The following BOD1L1 variants were observed in gnomAD, a reference collection of about 807,000 sequenced individuals.
The protein encoded by BOD1L1 is biorientation of chromosomes in cell division 1 like 1.
A neutral mutation model predicts 240.7 loss-of-function variants in BOD1L1; 86 were observed. That is an observed-to-expected ratio of 0.36 (90% confidence interval 0.30 to 0.43). BOD1L1 has a LOEUF of 0.43. Ranked by LOEUF, BOD1L1 falls within the 20% of genes least tolerant of loss-of-function variation. The pLI, the probability that BOD1L1 is intolerant of heterozygous loss-of-function variation, is 1.00. For missense variants in BOD1L1, 3,554 were observed against 3,643.5 expected, an observed-to-expected ratio of 0.98 and a Z score of 0.63; for synonymous variants, 1,268 against 1,272.3, an observed-to-expected ratio of 1.00 and a Z score of 0.07.
rs1403849969 is a variant in BOD1L1, at chr4:13,573,438, G to GTCTATCTATCTA, written c.9039-3311_9039-3310insTAGATAGATAGA. Among the ~76,000 whole-genome samples the GTCTATCTATCTA allele has an allele frequency of 2.6e-3, 123 of 46,444 alleles. No homozygotes were observed. The South Asian group carries it at 0.035, about 13-fold the overall frequency. 30.5% of individuals were successfully genotyped at this position (46,444 alleles called of 152,430 possible). On this transcript the variant is annotated intron_variant, in intron 25 of 25. Coordinates refer to ENST00000040738, the MANE Select transcript of BOD1L1 (RefSeq NM_148894.3). ...TATCTATCTGTCTGTCTGTCTGTCTGTCTGTCTATCTATCTATCTATCTAT... is the reference window on the plus strand; with the variant it reads ...TATCTATCTGTCTGTCTGTCTGTCTGTCTATCTATCTATCTGTCTATCTATCTATCTATCTAT...
intron 2 of BOD1L1, 54 bp downstream of exon 2, chr4:13,619,889 C>A (rs1716912237): frequency 5.7e-6 from 9 of 1,575,898 alleles, no homozygotes; most frequent in Non-Finnish European, 7.8e-6. Flanking sequence ...CGCTTTCAGG[C>A]AAAGTAGGTT....
In BOD1L1 at chr4:13,609,282, T is replaced by G; in HGVS notation, c.1603+13A>C. 1 of 1,430,984 alleles carries G rather than the reference T, an allele frequency of 7.0e-7. No homozygotes were observed. Among genetic ancestry groups the G allele is most frequent in the Non-Finnish European group, 9.3e-7 (1 of 1,080,972 alleles). The allele number at this position is 1,430,984 out of a possible 1,614,324, so 88.6% of individuals were successfully genotyped here. ...ATGAGATAGTTTAAAATATTAAAAGTTGACATCTATACCTTGACCCTTGGT... is the reference window on the plus strand; with the variant it reads ...ATGAGATAGTTTAAAATATTAAAAGGTGACATCTATACCTTGACCCTTGGT... On this transcript the variant is annotated intron_variant, in intron 7 of 25. Coordinates refer to ENST00000040738, the MANE Select transcript of BOD1L1 (RefSeq NM_148894.3).
At position 13,603,421 on chromosome 4, in the gene BOD1L1, G is replaced by A; in HGVS notation, c.3479C>T (p.Ala1160Val). ...DSENMKQKTS[A>V]TVQKDELRTC... The stretch of plus-strand genomic sequence containing the variant: ...TCTCAATTCATCCTTTTGAACAGTG[G>A]CAGAAGTTTTTTGTTTCATATTTTC... The change falls in exon 10 of 26, where the codon GCC becomes GTC. Residue 1160 changes from alanine to valine, a missense_variant. Physicochemically the swap from Ala to Val is moderately conservative, Grantham distance 64 (BLOSUM62 0). Coordinates refer to ENST00000040738, the MANE Select transcript of BOD1L1 (RefSeq NM_148894.3). 1 of 1,613,530 alleles carries A rather than the reference G, an allele frequency of 6.2e-7. No individual in the cohort carries two copies. Among genetic ancestry groups the A allele is most frequent in the Non-Finnish European group, 8.5e-7 (1 of 1,179,796 alleles).
intron 1 of BOD1L1, among the ~76,000 whole-genome samples, chr4:13,622,046 G>A (rs1717080632): frequency 1.3e-5 from 2 of 152,012 alleles, no homozygotes; most frequent in South Asian, 4.2e-4. Context: ...TGTATTTTTA[G>A]TGGAGACAAG....
At position 13,569,258 on chromosome 4, in the gene BOD1L1, T is replaced by C. The variant is rs1414081346; in HGVS notation, c.*753A>G. The C allele has an allele frequency of 6.6e-6, 1 of 152,184 alleles. No homozygotes were observed. Among genetic ancestry groups the C allele is most frequent in the Non-Finnish European group, 1.5e-5 (1 of 68,030 alleles). The allele number at this position is 152,184 out of a possible 1,614,324, so 9.4% of individuals were successfully genotyped here. On this transcript the variant is annotated 3_prime_UTR_variant, in exon 26 of 26. Coordinates refer to ENST00000040738, the MANE Select transcript of BOD1L1 (RefSeq NM_148894.3). Reference sequence around the variant, plus strand: ...CTGCTGCAGGTGACTGACGCAACTTTACCTGAACCAGAACCTGTTTTGTGT... The same window carrying C: ...CTGCTGCAGGTGACTGACGCAACTTCACCTGAACCAGAACCTGTTTTGTGT...
chr4:13,576,991 T>G lies in BOD1L1; in HGVS notation c.8885A>C (p.Glu2962Ala). 3.1e-6 allele frequency: 5 copies of G among 1,613,522 alleles called. No individual in the cohort carries two copies. The highest frequency in any genetic ancestry group is 4.2e-6 in the Non-Finnish European group (5 of 1,179,706). Residue 2962 changes from glutamate (E) to alanine (A), a missense_variant and splice_region_variant, in exon 25 of 26, where the codon GAA becomes GCA. Physicochemically the swap from Glu to Ala is moderately radical, Grantham distance 107 (BLOSUM62 -1). Coordinates refer to ENST00000040738, the MANE Select transcript of BOD1L1 (RefSeq NM_148894.3). Reference protein sequence around the residue: ...KRSLTVSDDAESSEPERKRQK... With the variant: ...KRSLTVSDDAASSEPERKRQK... ...GCGTTTTCTTTCTGGCTCTGAGGAT[T>G]CTGTTCAAATAGAAGGGTAACACCT...
intron 17 of BOD1L1, among the ~76,000 whole-genome samples, chr4:13,585,445 G>C (rs1201659352): frequency 6.6e-6 from 1 of 151,932 alleles, no homozygotes; most frequent in Non-Finnish European, 1.5e-5. Context: ...AGAGTACTGA[G>C]TCTCAGAAAT....
At chr4:13,621,625 T>A (rs1455927649) in intron 1 of BOD1L1, among the ~76,000 whole-genome samples, 4 of 152,174 alleles carry the variant, frequency 2.6e-5, no homozygotes, top group Non-Finnish European at 5.9e-5. Context: ...TCCTCCTCTA[T>A]CTCTCTTACA....
At chr4:13,620,925 C>T (rs550714833) in intron 1 of BOD1L1, among the ~76,000 whole-genome samples, 20 of 152,254 alleles carry the variant, frequency 1.3e-4, no homozygotes, top group Admixed American at 2.6e-4. Context: ...CCCCAAGGGA[C>T]GCTTGGCAAT....
chr4:13,594,211 T>C (rs1714434494), intron 12 of BOD1L1, among the ~76,000 whole-genome samples: 1 of 151,772 alleles, frequency 6.6e-6, no homozygotes, highest in South Asian at 2.1e-4. Flanking sequence ...TATAAGTATT[T>C]ACAACAAAAA....
At chr4:13,582,528 A>T (rs13134162) in intron 18 of BOD1L1, 124 bp downstream of exon 18, 2 of 762,244 alleles carry the variant, frequency 2.6e-6, no homozygotes, top group Non-Finnish European at 4.3e-6. Flanking sequence ...AGCCCTATTA[A>T]TCTTAAGCAT....
At position 13,611,108 on chromosome 4, in the gene BOD1L1, A is replaced by G. The variant is rs764876371; in HGVS notation, c.1325-8T>C. The G allele has an allele frequency of 1.5e-5, 23 of 1,579,530 alleles. No individual in the cohort carries two copies. Among genetic ancestry groups the G allele is most frequent in the East Asian group, 2.2e-5 (1 of 44,658 alleles). On this transcript the variant is annotated splice_region_variant and splice_polypyrimidine_tract_variant and intron_variant, in intron 5 of 25. Coordinates refer to ENST00000040738, the MANE Select transcript of BOD1L1 (RefSeq NM_148894.3). ...GTTTGTTCTTCTCTTCATCTGTAAG[A>G]AAGTTAATAGAAAGAGGAGTATGTC...
At chr4:13,611,497 T>G (rs1283647501) in intron 5 of BOD1L1, among the ~76,000 whole-genome samples, 1 of 152,206 alleles carries the variant, frequency 6.6e-6, no homozygotes, top group African/African-American at 2.4e-5. Context: ...GACACATGAC[T>G]GGACTGGCTG....
intron 19 of BOD1L1, among the ~76,000 whole-genome samples, chr4:13,582,023 T>C (rs1481763446): frequency 6.6e-6 from 1 of 152,064 alleles, no homozygotes; most frequent in Non-Finnish European, 1.5e-5. Context: ...GTGGGTCTCA[T>C]ACAAATGTTT....
rs143226671 is a variant in BOD1L1, at chr4:13,599,451, G to A, written c.7449C>T (p.Gly2483=). ...DKSPETGTAG[G]SSTASYSAGR... ...CTGCTGAATAACTTGCTGTGCTACT[G>A]CCCCCTGCTGTCCCTGTCTCTGGGC... The change falls in exon 10 of 26, where the codon GGC becomes GGT. Residue 2483 remains glycine (G), a synonymous_variant. Coordinates refer to ENST00000040738, the MANE Select transcript of BOD1L1 (RefSeq NM_148894.3). 3.1e-4 allele frequency: 504 copies of A among 1,613,952 alleles called. No homozygotes were observed. The highest frequency in any genetic ancestry group is 4.1e-4 in the Non-Finnish European group (488 of 1,179,880).
chr4:13,627,243 G>T, intron 1 of BOD1L1, 102 bp downstream of exon 1: 2 of 529,756 alleles, frequency 3.8e-6, no homozygotes. Flanking sequence ...TGCACAGTCC[G>T]TGGCACACAG....
Position 13,615,519 on chromosome 4 carries a change from T to G in BOD1L1, c.369-17A>C. 1 of 1,571,498 alleles carries G rather than the reference T, an allele frequency of 6.4e-7. No individual in the cohort carries two copies. On this transcript the variant is annotated splice_polypyrimidine_tract_variant and intron_variant, in intron 2 of 25. Coordinates refer to ENST00000040738, the MANE Select transcript of BOD1L1 (RefSeq NM_148894.3). ...ATTCCTGATCTGAAACACAAGATAA[T>G]TTATGGAAAGGTGAAAAAATAATAT...
intron 25 of BOD1L1, among the ~76,000 whole-genome samples, chr4:13,571,923 C>G (rs958916385): frequency 1.3e-5 from 2 of 152,020 alleles, no homozygotes; most frequent in African/African-American, 4.8e-5. Flanking sequence ...CTAGAATGTG[C>G]GGAAAACAGC....
At chr4:13,579,282 A>T (rs1357403164) in intron 22 of BOD1L1, among the ~76,000 whole-genome samples, 1 of 152,242 alleles carries the variant, frequency 6.6e-6, no homozygotes, top group Non-Finnish European at 1.5e-5. Flanking sequence ...AAAATTATTA[A>T]TAAAAACTGG....
Sources: allele counts gnomAD v4.1 joint callset (sites outside exome capture counted in the v4.1 genomes callset), GRCh38; gene constraint gnomAD v4.1.1; transcripts MANE v1.5; gene names NCBI Gene and HGNC (gene_info 2026-07-23, HGNC 2026-07-21).